COBLL1: variants seen among roughly 807,000 people sequenced by gnomAD.
COBLL1 encodes the protein cordon-bleu WH2 repeat protein like 1, also known as cordon-bleu protein-like 1.
COBLL1 carries 50 observed loss-of-function variants against 94.8 expected under a neutral mutation model. The ratio of observed to expected loss-of-function variants is 0.53; its 90% CI spans 0.42 to 0.67. The LOEUF (loss-of-function observed/expected upper bound fraction) is 0.67, where lower values mean the gene tolerates loss of function less well. Among genes scored for constraint, COBLL1 ranks in the 30% least tolerant of loss-of-function variants. The pLI, the probability that COBLL1 is intolerant of heterozygous loss-of-function variation, is 0.00. For synonymous variants in COBLL1, 448 were observed against 473.8 expected, an observed-to-expected ratio of 0.95 and a Z score of 0.71; for missense variants, 1,362 against 1,348.7, an observed-to-expected ratio of 1.01 and a Z score of -0.15.
chr2:164,818,798 C>G (rs1275796773), intron 2 of COBLL1, among the ~76,000 whole-genome samples: 1 of 136,758 alleles, frequency 7.3e-6, no homozygotes. Flanking sequence ...AATTTTTTTT[C>G]GAGATCTTGC....
chr2:164,776,701 G>A (rs1023430347), intron 2 of COBLL1, among the ~76,000 whole-genome samples: 22 of 151,898 alleles, frequency 1.4e-4, no homozygotes, highest in Non-Finnish European at 2.5e-4. Context: ...ACTGGGACTC[G>A]ACAAGCAATC....
intron 2 of COBLL1, among the ~76,000 whole-genome samples, chr2:164,822,905 A>G (rs901121334): frequency 2.6e-5 from 4 of 151,862 alleles, no homozygotes; most frequent in Non-Finnish European, 5.9e-5. Context: ...AAGTACTGGG[A>G]TTACAGGCAT....
chr2:164,692,583 G>A (rs182800338), intron 12 of COBLL1, 186 bp from the exon 13 acceptor site: 51 of 531,786 alleles, frequency 9.6e-5, no homozygotes, highest in Non-Finnish European at 9.9e-5. Flanking sequence ...GAAGATGAGG[G>A]CATTATTCTC....
intron 11 of COBLL1, among the ~76,000 whole-genome samples, 169 bp downstream of exon 11, chr2:164,699,236 C>G (rs1684109081): frequency 6.6e-6 from 1 of 151,830 alleles, no homozygotes; most frequent in African/African-American, 2.4e-5. Context: ...GTGGCACAAT[C>G]ATCTGTAAAA....
At chr2:164,806,333 T>C (rs1237214480) in intron 2 of COBLL1, among the ~76,000 whole-genome samples, 2 of 152,184 alleles carry the variant, frequency 1.3e-5, no homozygotes, top group Non-Finnish European at 2.9e-5. Flanking sequence ...TTAATTAATA[T>C]GATATGAATA....
At chr2:164,734,659 C>T (rs935998004) in intron 3 of COBLL1, among the ~76,000 whole-genome samples, 4 of 152,024 alleles carry the variant, frequency 2.6e-5, no homozygotes, top group African/African-American at 9.7e-5. Flanking sequence ...TTGTAGGGAG[C>T]TGATAGGATT....
rs182234655 is a variant in COBLL1, at chr2:164,682,897, C to T, written c.*3049G>A. ...ATAGAATGGCTAACAGAAATACGATCGATCTGTATGTGTAAAAAGAAAAGC... is the reference window on the plus strand; with the variant it reads ...ATAGAATGGCTAACAGAAATACGATTGATCTGTATGTGTAAAAAGAAAAGC... On this transcript the variant is annotated 3_prime_UTR_variant, in exon 14 of 14. Transcript: ENST00000652658. 1 of 151,858 alleles carries T rather than the reference C, an allele frequency of 6.6e-6. No individual in the cohort carries two copies. The highest frequency in any genetic ancestry group is 1.9e-4 in the East Asian group (1 of 5,144). 9.4% of individuals were successfully genotyped at this position (151,858 alleles called of 1,614,324 possible).
chr2:164,704,297 G>T, intron 9 of COBLL1, 147 bp downstream of exon 9: 2 of 625,452 alleles, frequency 3.2e-6, no homozygotes, highest in South Asian at 3.8e-5. Flanking sequence ...GTGGGGGCAA[G>T]AATTTATTTC....
At chr2:164,728,424 T>C (rs1685823208) in intron 4 of COBLL1, among the ~76,000 whole-genome samples, 1 of 152,120 alleles carries the variant, frequency 6.6e-6, no homozygotes, top group Non-Finnish European at 1.5e-5. Context: ...AACCATTCTA[T>C]AGTAAGATTT....
chr2:164,662,368 G>A (rs1691084981), intron 2 of COBLL1, among the ~76,000 whole-genome samples: 1 of 152,176 alleles, frequency 6.6e-6, no homozygotes, highest in Admixed American at 6.5e-5. Context: ...AAGAAACTGT[G>A]TGGAAATGGA....
chr2:164,721,959 C>T, intron 7 of COBLL1, 116 bp downstream of exon 7: 1 of 683,748 alleles, frequency 1.5e-6, no homozygotes, highest in Non-Finnish European at 2.4e-6. Context: ...TACTAATTAC[C>T]AACTGTTATA....
chr2:164,809,868 T>A (rs1252816940), intron 2 of COBLL1, among the ~76,000 whole-genome samples: 1 of 151,804 alleles, frequency 6.6e-6, no homozygotes, highest in African/African-American at 2.4e-5. Flanking sequence ...GAATTTTATA[T>A]ATAAAGAACC....
At chr2:164,754,955 C>T (rs1165628092) in intron 2 of COBLL1, among the ~76,000 whole-genome samples, 1 of 152,078 alleles carries the variant, frequency 6.6e-6, no homozygotes, top group Non-Finnish European at 1.5e-5. Flanking sequence ...AGGAGGATCA[C>T]TTGAAGCCAA....
chr2:164,829,869 T>G (rs1466057401), intron 2 of COBLL1, among the ~76,000 whole-genome samples: 2 of 152,176 alleles, frequency 1.3e-5, no homozygotes, highest in Non-Finnish European at 2.9e-5. Flanking sequence ...GGTTTAAGAA[T>G]AAAGGCATCT....
Position 164,694,523 on chromosome 2 carries a change from T to C in COBLL1, c.2869A>G (p.Thr957Ala). 6.2e-7 allele frequency: 1 copy of C among 1,613,968 alleles called. No individual in the cohort carries two copies. Among genetic ancestry groups the C allele is most frequent in the East Asian group, 2.2e-5 (1 of 44,854 alleles). ...SPPPIAPKPV[T>A]IPASQVSTQN... ...GTGGATACCTGACTAGCAGGAATTGTCACAGGTTTTGGAGCTATGGGAGGA... is the reference window on the plus strand; with the variant it reads ...GTGGATACCTGACTAGCAGGAATTGCCACAGGTTTTGGAGCTATGGGAGGA... Residue 957 changes from threonine (T) to alanine (A), a missense_variant, in exon 12 of 14, where the codon ACA (threonine) becomes GCA (alanine). Physicochemically the swap from Thr to Ala is moderately conservative, Grantham distance 58. Coordinates refer to ENST00000652658, the MANE Select transcript of COBLL1 (RefSeq NM_001365672.2).
chr2:164,758,859 T>C (rs533365273), intron 2 of COBLL1, among the ~76,000 whole-genome samples: 1 of 152,006 alleles, frequency 6.6e-6, no homozygotes, highest in Non-Finnish European at 1.5e-5. Context: ...TATCTGTGGA[T>C]TTTTTAAAAT....
chr2:164,692,264 A>T lies in COBLL1; in HGVS notation c.3257T>A (p.Leu1086Gln). 6.2e-7 allele frequency: 1 copy of T among 1,612,954 alleles called. No individual in the cohort carries two copies. The highest frequency in any genetic ancestry group is 1.3e-5 in the African/African-American group (1 of 74,964). Residue 1086 changes from leucine (L) to glutamine (Q), a missense_variant, in exon 13 of 14, where the codon CTG (leucine) becomes CAG (glutamine). By Grantham distance (113) the Leu-to-Gln change is moderately radical (BLOSUM62 -2). Transcript: ENST00000652658. ...AGCCTCTCCCGAACGGATTGCAGTCAGCAAACTCTGTCGCATCTGTTCTGG... is the reference window on the plus strand; with the variant it reads ...AGCCTCTCCCGAACGGATTGCAGTCTGCAAACTCTGTCGCATCTGTTCTGG... ...SDPEQMRQSLLTAIRSGEAAA... is the reference protein window; with the variant it reads ...SDPEQMRQSLQTAIRSGEAAA...
intron 3 of COBLL1, among the ~76,000 whole-genome samples, chr2:164,740,684 G>C (rs970968965): frequency 1.3e-5 from 2 of 152,046 alleles, no homozygotes; most frequent in African/African-American, 4.8e-5. Context: ...TATTCTCATG[G>C]CTCTGTGGTT....
Position 164,695,221 on chromosome 2 carries a change from T to G in COBLL1, c.2171A>C (p.Glu724Ala), listed in dbSNP as rs749990105. The change falls in exon 12 of 14, where the codon GAG becomes GCG. Residue 724 changes from glutamate to alanine, a missense_variant. Glu to Ala is a moderately radical substitution (Grantham distance 107, BLOSUM62 -1). Coordinates refer to ENST00000652658, the MANE Select transcript of COBLL1 (RefSeq NM_001365672.2). ...KPKPSNEITR[E>A]YIPKIGMTTY... ...AGTCATGCCAATTTTGGGTATATAC[T>G]CTCGTGTAATTTCATTTGAAGGTTT... 7.7e-5 allele frequency: 124 copies of G among 1,613,896 alleles called. No individual in the cohort carries two copies. Among genetic ancestry groups the G allele is most frequent in the Non-Finnish European group, 1.0e-4 (121 of 1,179,974 alleles).
Sources: gnomAD v4.1 joint callset for allele counts (sites outside exome capture counted in the v4.1 genomes callset) on GRCh38, gnomAD v4.1.1 for gene constraint, MANE v1.5 for transcripts, NCBI Gene and HGNC (gene_info 2026-07-23, HGNC 2026-07-21) for gene names.